The following METTL2B variants were observed in gnomAD, a reference collection of about 807,000 sequenced individuals.
METTL2B encodes the protein methyltransferase 2B, tRNA N3-cytidine.
A neutral mutation model predicts 51.0 loss-of-function variants in METTL2B; 28 were observed. That is an observed-to-expected ratio of 0.55 (90% CI 0.41 to 0.75). METTL2B has a LOEUF of 0.75. Among genes scored for constraint, METTL2B ranks in the 30% least tolerant of loss-of-function variants. The probability of loss-of-function intolerance (pLI) is 0.00; values close to 1 mark genes in which losing one functional copy is unlikely to be tolerated. For synonymous variants in METTL2B, 128 were observed against 166.3 expected (o/e 0.77, Z 1.77); for missense variants, 313 against 460.7 (o/e 0.68, Z 2.93).
chr7:128,483,429 T>G (rs1799896773), intron 4 of METTL2B: 1 of 152,500 alleles, frequency 6.6e-6, no homozygotes, highest in Non-Finnish European at 1.5e-5. Flanking sequence ...TGTCTTCCCC[T>G]GACTCCGTAC....
chr7:128,496,610 T>G (rs1228428725), intron 6 of METTL2B, among the ~76,000 whole-genome samples: 1 of 152,102 alleles, frequency 6.6e-6, no homozygotes, highest in African/African-American at 2.4e-5. Flanking sequence ...TGACATGGAC[T>G]AAAACAAATT....
At chr7:128,499,650 C>CTG (rs532701505) in intron 7 of METTL2B, among the ~76,000 whole-genome samples, 29,118 of 144,352 alleles carry the variant, frequency 0.2, 3,958 homozygotes, top group East Asian at 0.42. Context: ...TCCCGAGTAG[C>CTG]CGAGACTACA....
chr7:128,488,963 A>G (rs138381163), intron 5 of METTL2B, among the ~76,000 whole-genome samples: 3,951 of 152,004 alleles, frequency 0.026, 165 homozygotes, highest in African/African-American at 0.09. Context: ...TAGCCGGGCT[A>G]AAAATACAAA....
At position 128,506,389 on chromosome 7, in the gene METTL2B, G is replaced by A. The variant is rs992321164; in HGVS notation, c.*4473G>A. 2.6e-5 allele frequency: 4 copies of A among 152,024 alleles called. No individual in the cohort carries two copies. Among genetic ancestry groups the A allele is most frequent in the Non-Finnish European group, 2.9e-5 (2 of 68,016 alleles). 9.4% of individuals were successfully genotyped at this position (152,024 alleles called of 1,614,324 possible). On this transcript the variant is annotated 3_prime_UTR_variant, in exon 9 of 9. Transcript: ENST00000262432. ...GGGCTTTGGCTTAGATTAAAAAGAC[G>A]AGCCTTCTCCTGCCCCTGCTCCCTT...
At chr7:128,499,556 T>G (rs1792988754) in intron 7 of METTL2B, among the ~76,000 whole-genome samples, 2 of 145,352 alleles carry the variant, frequency 1.4e-5, no homozygotes, top group African/African-American at 2.6e-5. Flanking sequence ...TCTCGCTCTG[T>G]CTCCCAGGCT....
intron 4 of METTL2B, among the ~76,000 whole-genome samples, chr7:128,481,487 A>G (rs938909610): frequency 2.0e-5 from 3 of 152,212 alleles, no homozygotes; most frequent in Non-Finnish European, 4.4e-5. Flanking sequence ...ACTTACATTT[A>G]TGTGTTTGTT....
chr7:128,504,799 A>C lies in METTL2B; in HGVS notation c.*2883A>C, dbSNP rs1793098063. 1 of 151,424 alleles carries C rather than the reference A, an allele frequency of 6.6e-6. No homozygotes were observed. Among genetic ancestry groups the C allele is most frequent in the Non-Finnish European group, 1.5e-5 (1 of 67,894 alleles). The allele number at this position is 151,424 out of a possible 1,614,324, so 9.4% of individuals were successfully genotyped here. On this transcript the variant is annotated 3_prime_UTR_variant, in exon 9 of 9. Coordinates refer to ENST00000262432, the MANE Select transcript of METTL2B (RefSeq NM_018396.3). Reference sequence around the variant, plus strand: ...AGCCTGGCCAACTTAATGAAACCCCATCTCTGCTAACAATACAGACCAGGC... The same window carrying C: ...AGCCTGGCCAACTTAATGAAACCCCCTCTCTGCTAACAATACAGACCAGGC...
At chr7:128,484,930 C>A (rs1486049776) in intron 4 of METTL2B, among the ~76,000 whole-genome samples, 1 of 152,138 alleles carries the variant, frequency 6.6e-6, no homozygotes, top group Admixed American at 6.6e-5. Flanking sequence ...GCCATCACTG[C>A]AGTCAACTTC....
intron 5 of METTL2B, among the ~76,000 whole-genome samples, chr7:128,493,350 T>G (rs1418924645): frequency 2.0e-5 from 3 of 151,938 alleles, no homozygotes; most frequent in African/African-American, 7.3e-5. Context: ...GTAGCTGGGA[T>G]TATAGGCATG....
chr7:128,499,701 A>G (rs1792994084), intron 7 of METTL2B, among the ~76,000 whole-genome samples: 2 of 148,184 alleles, frequency 1.3e-5, no homozygotes, highest in Admixed American at 1.4e-4. Context: ...TTGTATTTTT[A>G]GTAGAGACAG....
intron 2 of METTL2B, 131 bp from the exon 3 acceptor site, chr7:128,479,027 C>T: frequency 1.0e-6 from 1 of 995,222 alleles, no homozygotes. Context: ...GCCTTCAGTT[C>T]TGGGACTGTG....
At chr7:128,480,354 A>G (rs1799858173) in intron 3 of METTL2B, among the ~76,000 whole-genome samples, 2 of 152,212 alleles carry the variant, frequency 1.3e-5, no homozygotes, top group East Asian at 1.9e-4. Context: ...TTAGTAAGAA[A>G]ATACTTCATC....
rs755214059 is a variant in METTL2B, at chr7:128,476,772, G to A, written c.7G>A (p.Gly3Ser). 8.1e-6 allele frequency: 13 copies of A among 1,613,814 alleles called. No individual in the cohort carries two copies. The highest frequency in any genetic ancestry group is 1.1e-5 in the Non-Finnish European group (13 of 1,179,942). The change falls in exon 1 of 9, where the codon GGC becomes AGC. Residue 3 changes from glycine (G) to serine (S), a missense_variant. Around this residue, in one of 4 missense-constraint regions of METTL2B, gnomAD observed 66 missense variants for 58.2 expected, o/e 1.13. Transcript: ENST00000262432. The part of the protein sequence containing the change: MA[G>S]SYPEGAPAIL... ...TGTTTCCGGCTCCGGTGTCATGGCC[G>A]GCTCCTACCCTGAAGGTGCACCTGC...
chr7:128,484,232 T>TTTTTTTTTTGTTTTTGTTTTTTTG (rs1554428850), intron 4 of METTL2B: 1 of 83,558 alleles, frequency 1.2e-5, no homozygotes, highest in Non-Finnish European at 2.2e-5. Context: ...TTTTTTTTTT[T>TTTTTTTTTTGTTTTTGTTTTTTTG]TTTTTTTTTT....
intron 8 of METTL2B, chr7:128,501,196 C>T (rs1341509702): frequency 1.0e-5 from 10 of 985,358 alleles, no homozygotes; most frequent in Non-Finnish European, 1.2e-5. Flanking sequence ...CTGCTCTGCT[C>T]TCCCTGTCTG....
At chr7:128,494,964 G>A (rs1356671277) in intron 6 of METTL2B, among the ~76,000 whole-genome samples, 3 of 150,144 alleles carry the variant, frequency 2.0e-5, no homozygotes, top group African/African-American at 7.4e-5. Context: ...GCCCCGGCTG[G>A]GGTGCAGTGA....
At chr7:128,485,763 G>T (rs1388201707) in intron 4 of METTL2B, among the ~76,000 whole-genome samples, 2 of 152,024 alleles carry the variant, frequency 1.3e-5, no homozygotes, top group African/African-American at 4.8e-5. Flanking sequence ...GCTGCAGTGA[G>T]CCATGATCAC....
chr7:128,499,374 T>C (rs1051682155), intron 7 of METTL2B, among the ~76,000 whole-genome samples: 2 of 152,196 alleles, frequency 1.3e-5, no homozygotes, highest in Non-Finnish European at 2.9e-5. Flanking sequence ...TTTTTTCAGA[T>C]GGAGTTTTGC....
chr7:128,487,628 A>G (rs1792741233), intron 4 of METTL2B, among the ~76,000 whole-genome samples: 1 of 152,218 alleles, frequency 6.6e-6, no homozygotes, highest in African/African-American at 2.4e-5. Context: ...TACACAATGC[A>G]TAGTGGGCTC....
Sources: gnomAD v4.1 joint callset for allele counts (sites outside exome capture counted in the v4.1 genomes callset) on GRCh38, gnomAD v4.1.1 for gene constraint, gnomAD v4.1.1 regional missense constraint, MANE v1.5 for transcripts, NCBI Gene and HGNC (gene_info 2026-07-23, HGNC 2026-07-21) for gene names.